Variants in RNASET2 observed in about 807,000 individuals in gnomAD.
RNASET2 encodes ribonuclease 6.
In RNASET2, 28 loss-of-function variants were observed where a neutral mutation model predicts 33.9. The ratio of observed to expected loss-of-function variants is 0.83; its 90% CI spans 0.61 to 1.13. RNASET2 has a LOEUF of 1.13. RNASET2 is among the 50% of genes most tolerant of loss of function. RNASET2 has a pLI of 0.00. For synonymous variants in RNASET2, 123 were observed against 121.0 expected, an observed-to-expected ratio of 1.02 and a Z score of -0.11; for missense variants, 330 against 319.9, an observed-to-expected ratio of 1.03 and a Z score of -0.24.
chr6:166,952,465 C>T, intron 2 of RNASET2, 23 bp downstream of exon 2: 1 of 1,610,708 alleles, frequency 6.2e-7, no homozygotes, highest in Non-Finnish European at 8.5e-7. Context: ...GGCCCCAGGG[C>T]CCGTCAAGGC....
At chr6:166,930,765 A>G (rs988393346) in intron 8 of RNASET2, among the ~76,000 whole-genome samples, 12 of 151,168 alleles carry the variant, frequency 7.9e-5, no homozygotes, top group Non-Finnish European at 1.8e-4. Context: ...CACACAGGAC[A>G]TGCACACACA....
At position 166,928,069 on chromosome 6, in the gene RNASET2, G is replaced by A. The variant is rs1778334489; in HGVS notation, c.*1519C>T. Among the ~76,000 whole-genome samples, 1 of 152,210 alleles carries A rather than the reference G, an allele frequency of 6.6e-6. No individual in the cohort carries two copies. The highest frequency in any genetic ancestry group is 2.4e-5 in the African/African-American group (1 of 41,450). ...GGCTCAGCTCCTCCATTACAGAAGA[G>A]ACAAAATACAGGGACTGCTTCCATC... is the stretch of plus-strand genomic sequence containing the variant. On this transcript the variant is annotated 3_prime_UTR_variant, in exon 9 of 9. Transcript: ENST00000508775.
intron 4 of RNASET2, among the ~76,000 whole-genome samples, chr6:166,945,916 A>T (rs1012699332): frequency 2.0e-5 from 3 of 151,998 alleles, no homozygotes; most frequent in Non-Finnish European, 2.9e-5. Flanking sequence ...TACCATTCCT[A>T]GGAAAGACCC....
intron 5 of RNASET2, among the ~76,000 whole-genome samples, chr6:166,939,295 T>C (rs529726272): frequency 6.6e-6 from 1 of 152,158 alleles, no homozygotes; most frequent in Non-Finnish European, 1.5e-5. Flanking sequence ...ATCATGCCAT[T>C]GCACTATAGC....
intron 1 of RNASET2, among the ~76,000 whole-genome samples, chr6:166,955,284 ACACACGCACAGACG>A (rs1779107620): frequency 1.7e-5 from 1 of 59,504 alleles, no homozygotes; most frequent in Non-Finnish European, 2.8e-5. Context: ...CACACACGAC[ACACACGCACAGACG>A]CGCACACACG....
At position 166,923,228 on chromosome 6, in the gene RNASET2, C is replaced by CTTTTTTTTTTATTTTTTTT. The variant is rs1778258869; in HGVS notation, c.*6359_*6360insAAAAAAAATAAAAAAAAAA. Among the ~76,000 whole-genome samples, 1 of 102,672 alleles carries CTTTTTTTTTTATTTTTTTT rather than the reference C, an allele frequency of 9.7e-6. No individual in the cohort carries two copies. The highest frequency in any genetic ancestry group is 1.8e-5 in the Non-Finnish European group (1 of 54,584). 67.4% of individuals were successfully genotyped at this position (102,672 alleles called of 152,430 possible). A position where few individuals can be genotyped will look rare whatever the true frequency, so the allele number is the denominator to read the frequency against. ...ACAGGCGTGAGCCACCAGGCCCGGC[C>CTTTTTTTTTTATTTTTTTT]TTTTTTTTTTTTTTTTTTTTTGAGA... is the stretch of plus-strand genomic sequence containing the variant. On this transcript the variant is annotated 3_prime_UTR_variant, in exon 9 of 9. Transcript: ENST00000508775.
Position 166,939,956 on chromosome 6 carries a change from G to A in RNASET2, c.333-948C>T, listed in dbSNP as rs540707111. Among the ~76,000 whole-genome samples, 10 of 152,318 alleles carry A rather than the reference G, an allele frequency of 6.6e-5. No homozygotes were observed. The South Asian group carries it at 2.1e-3, about 32-fold the overall frequency. ...TTTGGTTCTCAAAACTCTGCAAGGC[G>A]GAAATATCACTGCTAGTTTACAGAC... On this transcript the variant is annotated intron_variant, in intron 5 of 8. Coordinates refer to ENST00000508775, the MANE Select transcript of RNASET2 (RefSeq NM_003730.6).
At chr6:166,949,001 G>C (rs1352243840) in intron 2 of RNASET2, among the ~76,000 whole-genome samples, 1 of 152,066 alleles carries the variant, frequency 6.6e-6, no homozygotes, top group Non-Finnish European at 1.5e-5. Flanking sequence ...GATCACCTGA[G>C]GTCAGGAGTT....
chr6:166,929,559 T>A lies in RNASET2; in HGVS notation c.*29A>T, dbSNP rs779517119. 6.2e-7 allele frequency: 1 copy of A among 1,608,916 alleles called. No homozygotes were observed. Among genetic ancestry groups the A allele is most frequent in the Non-Finnish European group, 8.5e-7 (1 of 1,175,254 alleles). On this transcript the variant is annotated 3_prime_UTR_variant, in exon 9 of 9. Transcript: ENST00000508775. ...CAGTTTGTGAATTTCTCTTGCTTTT[T>A]AAAACAGAATATTTCCAAAACTTGG...
At position 166,938,672 on chromosome 6, in the gene RNASET2, A is replaced by C. The variant is rs986695633; in HGVS notation, c.446+223T>G. ...AGATGGTGCCCAGATGGGCATCCCAATACTCTGCACCCACTCTGTGTGATC... is the reference window on the plus strand; with the variant it reads ...AGATGGTGCCCAGATGGGCATCCCACTACTCTGCACCCACTCTGTGTGATC... On this transcript the variant is annotated intron_variant, in intron 6 of 8. Transcript: ENST00000508775. 3 of 756,654 alleles carry C rather than the reference A, an allele frequency of 4.0e-6. No individual in the cohort carries two copies. The African/African-American group carries it at 5.1e-5, about 13-fold the overall frequency. The allele number at this position is 756,654 out of a possible 1,614,324, so 46.9% of individuals were successfully genotyped here.
At chr6:166,947,139 C>A (rs149205912) in intron 3 of RNASET2, among the ~76,000 whole-genome samples, 1 of 152,038 alleles carries the variant, frequency 6.6e-6, no homozygotes, top group East Asian at 1.9e-4. Context: ...CACCACAGAT[C>A]CAGCATGAGA....
rs932868708 is a variant in RNASET2 at position 166,929,476 on chromosome 6, T to C, written c.*112A>G. 1.8e-6 allele frequency: 2 copies of C among 1,111,406 alleles called. No individual in the cohort carries two copies. Among genetic ancestry groups the C allele is most frequent in the African/African-American group, 1.5e-5 (1 of 65,262 alleles). The allele number at this position is 1,111,406 out of a possible 1,614,324, so 68.8% of individuals were successfully genotyped here. A position where few individuals can be genotyped will look rare whatever the true frequency, so the allele number is the denominator to read the frequency against. ...GACCACAACATCCAATTCACAGGCA[T>C]GGAGGGGAAACAGCAAAATAAACAG... is the stretch of plus-strand genomic sequence containing the variant. On this transcript the variant is annotated 3_prime_UTR_variant, in exon 9 of 9. Transcript: ENST00000508775.
intron 8 of RNASET2, 67 bp from the exon 9 acceptor site, chr6:166,929,858 A>C: frequency 2.7e-6 from 4 of 1,477,212 alleles, no homozygotes; most frequent in African/African-American, 1.4e-5. Context: ...TCTTAAGATC[A>C]TGAACTTTTA....
At chr6:166,934,200 T>G in intron 6 of RNASET2, 64 bp from the exon 7 acceptor site, 1 of 1,041,274 alleles carries the variant, frequency 9.6e-7, no homozygotes, top group Non-Finnish European at 1.5e-6. Flanking sequence ...CTTGTTCTTT[T>G]CAGGTATCAT....
At chr6:166,949,750 G>A (rs1778938316) in intron 2 of RNASET2, among the ~76,000 whole-genome samples, 1 of 152,144 alleles carries the variant, frequency 6.6e-6, no homozygotes, top group South Asian at 2.1e-4. Flanking sequence ...TGGAGGCAAT[G>A]CAGAGAGCAA....
At chr6:166,955,227 A>AC in intron 1 of RNASET2, among the ~76,000 whole-genome samples, 1 of 58,512 alleles carries the variant, frequency 1.7e-5, no homozygotes, top group East Asian at 9.1e-4. Context: ...ACACGCGCAC[A>AC]CACGCACGCA....
chr6:166,932,131 A>C (rs1391597839), intron 7 of RNASET2: 2 of 152,724 alleles, frequency 1.3e-5, no homozygotes, highest in Non-Finnish European at 2.9e-5. Flanking sequence ...TGGAGGCCTG[A>C]GGCAGGACCT....
rs374897496 is a variant in RNASET2 at position 166,948,578 on chromosome 6, A to G, written c.195T>C (p.His65=). ...TTGTGTGAGACACTTGCCATAGTCC[A>G]TGTATTGTCCAGTAATCCGGAGGGT... ...CRDPPDYWTI[H]GLWPDKSEGC... Residue 65 remains histidine, a synonymous_variant, in exon 3 of 9, where the codon CAT becomes CAC. Coordinates refer to ENST00000508775, the MANE Select transcript of RNASET2 (RefSeq NM_003730.6). The G allele has an allele frequency of 1.9e-6, 3 of 1,598,970 alleles. No individual in the cohort carries two copies.
intron 1 of RNASET2, among the ~76,000 whole-genome samples, chr6:166,953,803 C>T (rs1008708763): frequency 3.3e-5 from 5 of 151,378 alleles, no homozygotes; most frequent in African/African-American, 9.7e-5. Flanking sequence ...TAGCTTAAGC[C>T]CAGGAGGTGG....
Sources: allele counts gnomAD v4.1 joint callset (sites outside exome capture counted in the v4.1 genomes callset), GRCh38; gene constraint gnomAD v4.1.1; transcripts MANE v1.5; gene names NCBI Gene and HGNC (gene_info 2026-07-23, HGNC 2026-07-21).